Variants in PDE11A observed in about 807,000 individuals in gnomAD.
The protein encoded by PDE11A is phosphodiesterase 11A, also known as dual 3',5'-cyclic-AMP and -GMP phosphodiesterase 11A.
PDE11A carries 100 observed loss-of-function variants against 100.5 expected under a neutral mutation model. The ratio of observed to expected loss-of-function variants is 1.00; its 90% CI spans 0.85 to 1.18. PDE11A has a LOEUF of 1.18. PDE11A is among the 50% of genes most tolerant of loss of function. PDE11A has a pLI of 0.00. For missense variants in PDE11A, 1,141 were observed against 1,152.6 expected (o/e 0.99, Z 0.15); for synonymous variants, 381 against 420.8 (o/e 0.91, Z 1.16).
intron 9 of PDE11A, among the ~76,000 whole-genome samples, chr2:177,801,699 A>T (rs1400728728): frequency 1.4e-4 from 22 of 152,156 alleles, no homozygotes. Flanking sequence ...ATGAACCTCA[A>T]TGGCTATCAA....
chr2:177,774,315 A>G (rs2082350283), intron 9 of PDE11A, among the ~76,000 whole-genome samples: 1 of 151,712 alleles, frequency 6.6e-6, no homozygotes, highest in African/African-American at 2.4e-5. Flanking sequence ...TATCCCATTT[A>G]CTCCTCAATA....
intron 9 of PDE11A, among the ~76,000 whole-genome samples, chr2:177,810,257 G>A (rs1354796021): frequency 6.6e-6 from 1 of 152,178 alleles, no homozygotes; most frequent in Non-Finnish European, 1.5e-5. Flanking sequence ...ATTATTTGTG[G>A]TGGGATGCAT....
chr2:177,945,283 C>A (rs2085396204), intron 2 of PDE11A, among the ~76,000 whole-genome samples: 2 of 148,196 alleles, frequency 1.3e-5, no homozygotes, highest in Non-Finnish European at 3.0e-5. Context: ...GGCCGCCCAT[C>A]GTCTGGGATG....
chr2:177,985,152 G>C (rs2085926343), intron 2 of PDE11A, among the ~76,000 whole-genome samples: 1 of 152,144 alleles, frequency 6.6e-6, no homozygotes, highest in South Asian at 2.1e-4. Context: ...TTCCAGTAAT[G>C]GTCTTCAATT....
At chr2:177,956,194 A>C (rs1285084086) in intron 2 of PDE11A, among the ~76,000 whole-genome samples, 3 of 152,200 alleles carry the variant, frequency 2.0e-5, no homozygotes, top group Non-Finnish European at 4.4e-5. Flanking sequence ...ATCTACAATG[A>C]ACTCAAACAC....
In PDE11A at chr2:177,627,446, G is replaced by C. The variant is rs1296846942; in HGVS notation, c.*1961C>G. ...CTTAATTTTACCCATTCCTTCTTCA[G>C]ACATTTCCTGAATTGTCTACTGTGT... is the stretch of plus-strand genomic sequence containing the variant. On this transcript the variant is annotated 3_prime_UTR_variant, in exon 20 of 20. Coordinates refer to ENST00000286063, the MANE Select transcript of PDE11A (RefSeq NM_016953.4). 6.6e-6 allele frequency: 1 copy of C among 152,040 alleles called. No homozygotes were observed. Among genetic ancestry groups the C allele is most frequent in the Admixed American group, 6.6e-5 (1 of 15,266 alleles). 9.4% of individuals were successfully genotyped at this position (152,040 alleles called of 1,614,324 possible).
At chr2:178,037,841 G>A (rs2086635586) in intron 1 of PDE11A, among the ~76,000 whole-genome samples, 1 of 152,040 alleles carries the variant, frequency 6.6e-6, no homozygotes, top group Non-Finnish European at 1.5e-5. Flanking sequence ...TGGACACAGT[G>A]AGGGGAACAT....
intron 5 of PDE11A, among the ~76,000 whole-genome samples, chr2:177,859,106 G>A (rs1033692015): frequency 3.3e-5 from 5 of 152,052 alleles, no homozygotes; most frequent in African/African-American, 7.2e-5. Context: ...TGGGGTGGGG[G>A]GATCGGGGAG....
intron 1 of PDE11A, among the ~76,000 whole-genome samples, chr2:178,067,484 A>G (rs2087062814): frequency 6.6e-6 from 1 of 152,064 alleles, no homozygotes; most frequent in Admixed American, 6.5e-5. Flanking sequence ...CCTTATACAT[A>G]TTTTATGCTT....
chr2:177,788,749 T>C (rs540839326), intron 9 of PDE11A, among the ~76,000 whole-genome samples: 45 of 152,306 alleles, frequency 3.0e-4, no homozygotes, highest in Non-Finnish European at 5.7e-4. Context: ...CATCAGAGAA[T>C]ACTACAAACA....
chr2:177,898,841 C>T lies in PDE11A; in HGVS notation c.1162-643G>A, dbSNP rs544234885. ...AATTATATTGCTATAACTCATACAC[C>T]GGCCTTGTATAGAAAATGCTGAAAC... On this transcript the variant is annotated intron_variant, in intron 3 of 19. Coordinates refer to ENST00000286063, the MANE Select transcript of PDE11A (RefSeq NM_016953.4). Among the ~76,000 whole-genome samples the T allele has an allele frequency of 8.5e-5, 13 of 152,240 alleles. 1 individual carries two copies. The highest frequency in any genetic ancestry group is 5.8e-4 in the East Asian group (3 of 5,184).
chr2:177,945,763 ATCCG>A (rs2085410246), intron 2 of PDE11A, among the ~76,000 whole-genome samples: 1 of 139,226 alleles, frequency 7.2e-6, no homozygotes, highest in African/African-American at 2.7e-5. Flanking sequence ...CAGCTGCCCC[ATCCG>A]GGAGGGAGGT....
intron 10 of PDE11A, among the ~76,000 whole-genome samples, chr2:177,728,435 C>A (rs971886154): frequency 6.6e-6 from 1 of 152,066 alleles, no homozygotes; most frequent in Non-Finnish European, 1.5e-5. Context: ...ATCTAGCCTG[C>A]AGAATTTATA....
intron 1 of PDE11A, among the ~76,000 whole-genome samples, chr2:178,037,716 T>C (rs1366461680): frequency 6.6e-6 from 1 of 152,132 alleles, no homozygotes; most frequent in Non-Finnish European, 1.5e-5. Context: ...TTCATGTCCT[T>C]TGCAGGGACA....
intron 2 of PDE11A, among the ~76,000 whole-genome samples, chr2:177,922,517 C>T (rs527362002): frequency 1.3e-5 from 2 of 152,318 alleles, no homozygotes; most frequent in African/African-American, 4.8e-5. Flanking sequence ...ACTTATTTCT[C>T]TTCCAAGAGG....
rs1410906768 is a variant in PDE11A, at chr2:177,920,743, ATATAAG to A, written c.1072-15562_1072-15557del. ...TTAAAAATAGTGAAGATGGTAAATT[ATATAAG>A]TATATTTTGCTTCAATTAAAAAATT... On this transcript the variant is annotated intron_variant, in intron 2 of 19. Coordinates refer to ENST00000286063, the MANE Select transcript of PDE11A (RefSeq NM_016953.4). 1.1e-4 allele frequency among the ~76,000 whole-genome samples: 17 copies of A among 152,304 alleles called. No individual in the cohort carries two copies. In the South Asian group the frequency reaches 1.7e-3, roughly 15 times the overall value.
In PDE11A at chr2:178,071,617, T is replaced by C. The variant is rs1181753388; in HGVS notation, c.821A>G (p.Asn274Ser). 6.2e-7 allele frequency: 1 copy of C among 1,613,782 alleles called. No homozygotes were observed. Among genetic ancestry groups the C allele is most frequent in the South Asian group, 1.1e-5 (1 of 91,056 alleles). The part of the protein sequence containing the change: ...TPLLPCSSTE[N>S]SNEVQVPWGK... Reference sequence around the variant, plus strand: ...CCAGGGGACCTGCACCTCATTTGAGTTCTCTGTGCTGCTGCAAGGCAGCAG... The same window carrying C: ...CCAGGGGACCTGCACCTCATTTGAGCTCTCTGTGCTGCTGCAAGGCAGCAG... The change falls in exon 1 of 20, where the codon AAC becomes AGC. Residue 274 changes from asparagine (N) to serine (S), a missense_variant. Physicochemically the swap from Asn to Ser is conservative, Grantham distance 46 (BLOSUM62 1). Coordinates refer to ENST00000286063, the MANE Select transcript of PDE11A (RefSeq NM_016953.4).
intron 10 of PDE11A, among the ~76,000 whole-genome samples, chr2:177,742,484 T>A (rs1401428619): frequency 1.3e-5 from 2 of 152,200 alleles, no homozygotes; most frequent in African/African-American, 4.8e-5. Context: ...TACCATAGAC[T>A]GCTCTCCATC....
chr2:177,729,881 C>A (rs1300042038), intron 10 of PDE11A, among the ~76,000 whole-genome samples: 1 of 150,984 alleles, frequency 6.6e-6, no homozygotes, highest in Non-Finnish European at 1.5e-5. Flanking sequence ...GTATCTATTA[C>A]AGGTTTTTGC....
Sources: gnomAD v4.1 joint callset for allele counts (sites outside exome capture counted in the v4.1 genomes callset) on GRCh38, gnomAD v4.1.1 for gene constraint, MANE v1.5 for transcripts, NCBI Gene and HGNC (gene_info 2026-07-23, HGNC 2026-07-21) for gene names.